The following CDKL4 variants were observed in gnomAD, a reference collection of about 807,000 sequenced individuals.
The protein encoded by CDKL4 is cyclin dependent kinase like 4.
In CDKL4, 44 loss-of-function variants were observed where a neutral mutation model predicts 42.0. The observed-to-expected ratio is 1.05, with a 90% CI of 0.82 to 1.35. CDKL4 has a LOEUF of 1.35. Among genes scored for constraint, CDKL4 ranks in the 40% most tolerant of loss-of-function variants. The probability of loss-of-function intolerance (pLI) is 0.00; values close to 1 mark genes in which losing one functional copy is unlikely to be tolerated. For missense variants in CDKL4, 393 were observed against 369.9 expected (o/e 1.06, Z -0.51); for synonymous variants, 120 against 121.6 (o/e 0.99, Z 0.09).
intron 3 of CDKL4, among the ~76,000 whole-genome samples, chr2:39,222,479 A>G (rs898061958): frequency 2.6e-5 from 4 of 151,994 alleles, no homozygotes; most frequent in African/African-American, 7.2e-5. Context: ...AGTCCCAGGT[A>G]TTTGGGAGGC....
At chr2:39,228,886 G>C (rs1678922462) in intron 2 of CDKL4, among the ~76,000 whole-genome samples, 1 of 152,148 alleles carries the variant, frequency 6.6e-6, no homozygotes, top group Non-Finnish European at 1.5e-5. Flanking sequence ...AAACCTTTAT[G>C]TAAAAAATGT....
At chr2:39,244,010 C>A (rs1679798438), upstream of CDKL4, among the ~76,000 whole-genome samples, 1 of 152,246 alleles carries the variant, frequency 6.6e-6, no homozygotes, top group African/African-American at 2.4e-5. Flanking sequence ...GTCTCCCGGG[C>A]AACCGGAACG....
chr2:39,179,524 G>A (rs1210885347), intron 8 of CDKL4, among the ~76,000 whole-genome samples: 2 of 152,218 alleles, frequency 1.3e-5, no homozygotes, highest in East Asian at 3.8e-4. Flanking sequence ...AGAATGAATG[G>A]ATGGTCAGTG....
downstream of CDKL4, among the ~76,000 whole-genome samples, chr2:39,171,726 G>T (rs1675004178): frequency 6.6e-6 from 1 of 152,204 alleles, no homozygotes; most frequent in Non-Finnish European, 1.5e-5. Flanking sequence ...AAACTGTTTG[G>T]AGACTCTAAG....
At chr2:39,168,153 G>A in the CDKL4 span, among the ~76,000 whole-genome samples, 1 of 151,960 alleles carries the variant, frequency 6.6e-6, no homozygotes, top group Admixed American at 6.6e-5. Context: ...ATTGCTTTTA[G>A]TGAATTGTTT....
At chr2:39,182,624 A>G (rs542953499) in intron 8 of CDKL4, among the ~76,000 whole-genome samples, 126 of 152,348 alleles carry the variant, frequency 8.3e-4, no homozygotes, top group African/African-American at 3.0e-3. Context: ...TCAAAATGGT[A>G]AAGTCCAAGT....
exon 1 of CDKL4, among the ~76,000 whole-genome samples, chr2:39,243,876 C>T (rs1376847595): frequency 6.6e-6 from 1 of 152,264 alleles, no homozygotes; most frequent in African/African-American, 2.4e-5. Flanking sequence ...CTTACTGCAC[C>T]CACAGGGCGA....
chr2:39,209,150 A>AT (rs372064138), intron 4 of CDKL4, among the ~76,000 whole-genome samples: 2,262 of 73,042 alleles, frequency 0.031, 80 homozygotes, highest in African/African-American at 0.068. Context: ...AAAAAAAAAA[A>AT]TTTTTTTTTT....
intron 3 of CDKL4, among the ~76,000 whole-genome samples, chr2:39,223,010 A>C (rs1048055696): frequency 1.3e-5 from 2 of 152,152 alleles, no homozygotes; most frequent in Non-Finnish European, 2.9e-5. Context: ...CAGAAATTTG[A>C]GAAAATTTGA....
intron 4 of CDKL4, among the ~76,000 whole-genome samples, chr2:39,211,750 G>C (rs1397426440): frequency 1.3e-5 from 2 of 150,868 alleles, no homozygotes; most frequent in East Asian, 3.9e-4. Context: ...AACCATCAGG[G>C]AAACAACGTT....
downstream of CDKL4, chr2:39,175,550 C>G (rs1421987361): frequency 6.4e-6 from 1 of 156,212 alleles, no homozygotes. Context: ...ACTCAACAGA[C>G]CTGGTTACAA....
chr2:39,239,958 C>T (rs573503159), intron 1 of CDKL4, among the ~76,000 whole-genome samples: 21 of 150,912 alleles, frequency 1.4e-4, no homozygotes, highest in Non-Finnish European at 2.5e-4. Flanking sequence ...GGCATGGTGG[C>T]GCACACTTGT....
intron 5 of CDKL4, among the ~76,000 whole-genome samples, chr2:39,201,165 C>T (rs1473641391): frequency 1.3e-5 from 2 of 151,738 alleles, no homozygotes; most frequent in East Asian, 3.9e-4. Flanking sequence ...CATGAATAGA[C>T]ATTCTCAAAA....
chr2:39,236,112 G>GA lies in CDKL4; in HGVS notation c.-56-6525dup, dbSNP rs541608312. Among the ~76,000 whole-genome samples the GA allele has an allele frequency of 2.5e-4, 24 of 95,316 alleles. No homozygotes were observed. In the East Asian group the frequency reaches 5.8e-3, roughly 23 times the overall value. The allele number at this position is 95,316 out of a possible 152,430, so 62.5% of individuals were successfully genotyped here. A position where few individuals can be genotyped will look rare whatever the true frequency, so the allele number is the denominator to read the frequency against. On this transcript the variant is annotated intron_variant, in intron 1 of 9. Transcript: ENST00000451199. ...CTCAATGAAGAGGGAATTTCAATCAGAAAATGAAAATAAAAAAAAGAACCA... is the reference window on the plus strand; with the variant it reads ...CTCAATGAAGAGGGAATTTCAATCAGAAAAATGAAAATAAAAAAAAGAACCA...
chr2:39,208,907 A>G (rs1238593832), intron 4 of CDKL4, among the ~76,000 whole-genome samples: 3 of 152,024 alleles, frequency 2.0e-5, no homozygotes, highest in East Asian at 1.9e-4. Context: ...ATGCTCACAC[A>G]TCGAGGAGAG....
intron 1 of CDKL4, among the ~76,000 whole-genome samples, chr2:39,233,786 A>G (rs192745506): frequency 6.6e-6 from 1 of 151,734 alleles, no homozygotes; most frequent in Admixed American, 6.6e-5. Context: ...AACACTTCAA[A>G]CTGATTTAAA....
chr2:39,211,972 G>T (rs1359543891), intron 4 of CDKL4, among the ~76,000 whole-genome samples: 1 of 152,122 alleles, frequency 6.6e-6, no homozygotes, highest in Non-Finnish European at 1.5e-5. Flanking sequence ...CCAATTTACA[G>T]GAAATACAAG....
At chr2:39,205,633 G>A (rs986673089) in intron 4 of CDKL4, among the ~76,000 whole-genome samples, 8 of 151,474 alleles carry the variant, frequency 5.3e-5, no homozygotes, top group Admixed American at 2.0e-4. Flanking sequence ...GGTGGCAGGC[G>A]CCTGTAGTCC....
At chr2:39,240,940 G>C (rs146897501) in intron 1 of CDKL4, among the ~76,000 whole-genome samples, 2 of 152,274 alleles carry the variant, frequency 1.3e-5, no homozygotes, top group Non-Finnish European at 2.9e-5. Context: ...TCTTAATAAA[G>C]AATGTCAACG....
Sources: gnomAD v4.1 joint callset for allele counts (sites outside exome capture counted in the v4.1 genomes callset) on GRCh38, gnomAD v4.1.1 for gene constraint, MANE v1.5 for transcripts, NCBI Gene and HGNC (gene_info 2026-07-23, HGNC 2026-07-21) for gene names.